The following VMA21 variants were observed in gnomAD, a reference collection of about 807,000 sequenced individuals.
VMA21 encodes the protein vacuolar ATPase assembly factor VMA21.
For missense variants in VMA21, 61 were observed against 80.6 expected (o/e 0.76, Z 0.93); for synonymous variants, 47 against 34.1 (o/e 1.38, Z -1.32).
At chrX:151,401,962 G>C (rs767960620) in intron 1 of VMA21, among the ~76,000 whole-genome samples, 9 of 110,161 alleles carry the variant, frequency 8.2e-5, no homozygotes, top group Admixed American at 4.9e-4. Flanking sequence ...TGTTACCTAG[G>C]CTTGCGTCAA....
At chrX:151,402,213 A>G (rs753886715) in intron 1 of VMA21, among the ~76,000 whole-genome samples, 85 of 112,407 alleles carry the variant, frequency 7.6e-4, no homozygotes, top group Non-Finnish European at 1.2e-3. Flanking sequence ...TGTTTGTGAC[A>G]GAGTCTTGCT....
Position 151,397,244 on chromosome X carries a change from G to A in VMA21, c.-65G>A. ...ACCGCCTCGGCCGTTCCCTCGCGGA[G>A]CTTACTGAGCGCGGCCGCCGAGCCC... On this transcript the variant is annotated 5_prime_UTR_variant, in exon 1 of 3. Coordinates refer to ENST00000330374, the MANE Select transcript of VMA21 (RefSeq NM_001017980.4). 2 of 1,117,891 alleles carry A rather than the reference G, an allele frequency of 1.8e-6. No individual in the cohort carries two copies. The highest frequency in any genetic ancestry group is 2.4e-6 in the Non-Finnish European group (2 of 841,854). The allele number at this position is 1,117,891 out of a possible 1,213,427, so 92.1% of individuals were successfully genotyped here. A position where few individuals can be genotyped will look rare whatever the true frequency, so the allele number is the denominator to read the frequency against.
chrX:151,405,820 G>A lies in VMA21; in HGVS notation c.*762G>A, dbSNP rs1272352537. On this transcript the variant is annotated 3_prime_UTR_variant, in exon 3 of 3. Transcript: ENST00000330374. ...ATTGAAGCTAGGCTTCAATTAAAAG[G>A]TTCGAGGAAGCTCCATTTAAAATTG... 2 of 111,683 alleles carry A rather than the reference G, an allele frequency of 1.8e-5. No individual in the cohort carries two copies. The highest frequency in any genetic ancestry group is 3.8e-5 in the Non-Finnish European group (2 of 53,153). The allele number at this position is 111,683 out of a possible 1,213,427, so 9.2% of individuals were successfully genotyped here. A position where few individuals can be genotyped will look rare whatever the true frequency, so the allele number is the denominator to read the frequency against.
chrX:151,401,115 T>A (rs1569365958), intron 1 of VMA21, among the ~76,000 whole-genome samples: 1 of 112,283 alleles, frequency 8.9e-6, no homozygotes, highest in South Asian at 3.7e-4. Flanking sequence ...CTGAGGCCAA[T>A]GTTAAGGACC....
chrX:151,406,399 CAG>C lies in VMA21; in HGVS notation c.*1344_*1345del, dbSNP rs1415181045. On this transcript the variant is annotated 3_prime_UTR_variant, in exon 3 of 3. Coordinates refer to ENST00000330374, the MANE Select transcript of VMA21 (RefSeq NM_001017980.4). ...ATTTTATTTATTTATTTTTTTGAGA[CAG>C]AGTTTTGCTCTGTTGCCCAGGCTGG... The C allele has an allele frequency of 9.0e-6, 1 of 110,558 alleles. No homozygotes were observed. Among genetic ancestry groups the C allele is most frequent in the Non-Finnish European group, 1.9e-5 (1 of 52,909 alleles). The allele number at this position is 110,558 out of a possible 1,213,427, so 9.1% of individuals were successfully genotyped here.
chrX:151,397,147 C>T, upstream of VMA21: 1 of 459,654 alleles, frequency 2.2e-6, no homozygotes, highest in Non-Finnish European at 3.2e-6. Flanking sequence ...TACTGTGGCC[C>T]GCCGCCCGGC....
chrX:151,398,032 G>C (rs1254432471), intron 1 of VMA21, among the ~76,000 whole-genome samples: 1 of 110,741 alleles, frequency 9.0e-6, no homozygotes, highest in African/African-American at 3.3e-5. Context: ...TTGAGGGTAA[G>C]TGACTTGAAA....
intron 1 of VMA21, among the ~76,000 whole-genome samples, chrX:151,399,972 A>G (rs967012788): frequency 1.8e-5 from 2 of 111,592 alleles, no homozygotes; most frequent in Admixed American, 1.9e-4. Flanking sequence ...TGGCATACAT[A>G]TAGTAAAATG....
chrX:151,401,621 TATTA>T (rs2011237525), intron 1 of VMA21, among the ~76,000 whole-genome samples: 1 of 112,404 alleles, frequency 8.9e-6, no homozygotes, highest in Non-Finnish European at 1.9e-5. Flanking sequence ...ATTTCAACAG[TATTA>T]ATTCTTCCAA....
At chrX:151,400,887 T>C (rs2011232035) in intron 1 of VMA21, among the ~76,000 whole-genome samples, 1 of 112,443 alleles carries the variant, frequency 8.9e-6, no homozygotes, top group South Asian at 3.6e-4. Context: ...TTTAATCAGG[T>C]GGTTTTTCTG....
intron 1 of VMA21, among the ~76,000 whole-genome samples, chrX:151,402,146 A>C (rs992111856): frequency 8.9e-6 from 1 of 111,808 alleles, no homozygotes; most frequent in Non-Finnish European, 1.9e-5. Flanking sequence ...TTCTGCATCA[A>C]CTGAGATGAT....
intron 2 of VMA21, among the ~76,000 whole-genome samples, chrX:151,404,077 T>C: frequency 4.6e-5 from 1 of 21,687 alleles, no homozygotes; most frequent in Admixed American, 6.8e-4. Flanking sequence ...GATGTTGAAA[T>C]TTTTTTTTTT....
At chrX:151,402,171 A>G (rs187400591) in intron 1 of VMA21, among the ~76,000 whole-genome samples, 1 of 111,737 alleles carries the variant, frequency 8.9e-6, no homozygotes, top group African/African-American at 3.3e-5. Context: ...CTTGGTCATA[A>G]TATATAATCT....
chrX:151,401,658 A>C (rs2011237916), intron 1 of VMA21, among the ~76,000 whole-genome samples: 1 of 112,212 alleles, frequency 8.9e-6, no homozygotes, highest in Admixed American at 9.5e-5. Context: ...GGATATCTTT[A>C]CATTTATTTG....
chrX:151,397,392 C>T (rs1340431150), intron 1 of VMA21, 31 bp downstream of exon 1: 10 of 1,152,626 alleles, frequency 8.7e-6, no homozygotes, highest in Non-Finnish European at 1.2e-5. Context: ...GACCGCGAGG[C>T]GGACTGGCCC....
In VMA21 at chrX:151,407,815, T is replaced by C. The variant is rs773822714; in HGVS notation, c.*2757T>C. The stretch of plus-strand genomic sequence containing the variant: ...TTGTTAGTGAAAAAAAATTTAAACC[T>C]GCCATTAAAAATCCCCATGTTTCAT... On this transcript the variant is annotated 3_prime_UTR_variant, in exon 3 of 3. Transcript: ENST00000330374. 1 of 112,298 alleles carries C rather than the reference T, an allele frequency of 8.9e-6. No homozygotes were observed. The highest frequency in any genetic ancestry group is 1.9e-5 in the Non-Finnish European group (1 of 53,215). 9.3% of individuals were successfully genotyped at this position (112,298 alleles called of 1,213,427 possible).
chrX:151,398,435 AC>A (rs1325614900), intron 1 of VMA21, among the ~76,000 whole-genome samples: 3 of 109,882 alleles, frequency 2.7e-5, no homozygotes, highest in Admixed American at 9.7e-5. Context: ...ACTTATGAGA[AC>A]GTGCAGTATT....
intron 2 of VMA21, among the ~76,000 whole-genome samples, chrX:151,404,295 G>A (rs1216239607): frequency 8.9e-6 from 1 of 112,026 alleles, no homozygotes; most frequent in Non-Finnish European, 1.9e-5. Flanking sequence ...GGCTGGTCTC[G>A]AACTCGTGAC....
In VMA21 at chrX:151,406,516, C is replaced by T. The variant is rs968916477; in HGVS notation, c.*1458C>T. The T allele has an allele frequency of 1.1e-4, 12 of 110,878 alleles. No individual in the cohort carries two copies. The highest frequency in any genetic ancestry group is 1.9e-4 in the Non-Finnish European group (10 of 52,958). The allele number at this position is 110,878 out of a possible 1,213,427, so 9.1% of individuals were successfully genotyped here. Reference sequence around the variant, plus strand: ...TCAGCCTCCCAAGTAGCTGGGACTACGGATGCCTGCCACCACGCCTGGCTA... The same window carrying T: ...TCAGCCTCCCAAGTAGCTGGGACTATGGATGCCTGCCACCACGCCTGGCTA... On this transcript the variant is annotated 3_prime_UTR_variant, in exon 3 of 3. Transcript: ENST00000330374.
Sources: gnomAD v4.1 joint callset for allele counts (sites outside exome capture counted in the v4.1 genomes callset) on GRCh38, gnomAD v4.1.1 for gene constraint, MANE v1.5 for transcripts, NCBI Gene and HGNC (gene_info 2026-07-23, HGNC 2026-07-21) for gene names.